Variants in PLPP1 observed in about 807,000 individuals in gnomAD.
The protein encoded by PLPP1 is lipid phosphate phosphohydrolase 1a.
In PLPP1, 24 loss-of-function variants were observed where a neutral mutation model predicts 31.2. The observed-to-expected ratio is 0.77, with a 90% confidence interval of 0.56 to 1.08. The LOEUF (loss-of-function observed/expected upper bound fraction) is 1.08. Among genes scored for constraint, PLPP1 ranks in the 50% least tolerant of loss-of-function variants. PLPP1 has a pLI of 0.00. For missense variants in PLPP1, 319 were observed against 342.7 expected (o/e 0.93, Z 0.55); for synonymous variants, 146 against 126.3 (o/e 1.16, Z -1.05).
intron 4 of PLPP1, among the ~76,000 whole-genome samples, chr5:55,431,548 T>TAAG (rs61225220): frequency 0.87 from 132,105 of 151,914 alleles, 57,685 homozygotes; most frequent in South Asian, 0.92. Context: ...GGGAATAAAT[T>TAAG]AAAGGAATAA....
intron 5 of PLPP1, 98 bp from the exon 6 acceptor site, chr5:55,425,432 G>T (rs1579910765): frequency 8.7e-7 from 1 of 1,151,060 alleles, no homozygotes; most frequent in Non-Finnish European, 1.2e-6. Flanking sequence ...TAAACAAAAG[G>T]ATATACTTTG....
At chr5:55,464,576 C>T (rs1024469636) in intron 3 of PLPP1, among the ~76,000 whole-genome samples, 1 of 152,088 alleles carries the variant, frequency 6.6e-6, no homozygotes, top group Non-Finnish European at 1.5e-5. Flanking sequence ...TTGGAGACAA[C>T]TCAAATGTCC....
At chr5:55,495,877 CAG>C (rs1236194679) in intron 1 of PLPP1, among the ~76,000 whole-genome samples, 1 of 152,040 alleles carries the variant, frequency 6.6e-6, no homozygotes, top group Admixed American at 6.6e-5. Context: ...TGTTTTGAGA[CAG>C]AGTCTTGCTC....
chr5:55,471,863 A>C (rs559185595), intron 2 of PLPP1, among the ~76,000 whole-genome samples: 9 of 152,352 alleles, frequency 5.9e-5, no homozygotes, highest in Admixed American at 1.3e-4. Flanking sequence ...TTACACCTAT[A>C]ATCCCAGCAC....
At position 55,425,233 on chromosome 5, in the gene PLPP1, A is replaced by C. The variant is rs543936239; in HGVS notation, c.828T>G (p.Asn276Lys). 1.9e-6 allele frequency: 3 copies of C among 1,613,944 alleles called. No homozygotes were observed. The highest frequency in any genetic ancestry group is 3.3e-5 in the Admixed American group (2 of 59,926). Reference protein sequence around the residue: ...TTLHETPTTGNHYPSNHQP With the variant: ...TTLHETPTTGKHYPSNHQP ...AAGGCTGGTGATTGCTCGGATAGTG[A>C]TTCCCAGTTGTTGGTGTTTCATGCA... Residue 276 changes from asparagine to lysine, a missense_variant, in exon 6 of 6, where the codon AAT becomes AAG. Physicochemically the swap from Asn to Lys is moderately conservative, Grantham distance 94 (BLOSUM62 0). Transcript: ENST00000307259.
intron 1 of PLPP1, among the ~76,000 whole-genome samples, chr5:55,510,238 C>T (rs1874470): frequency 0.12 from 17,698 of 152,126 alleles, 1,083 homozygotes; most frequent in Middle Eastern, 0.16. Flanking sequence ...TAATCAAAAA[C>T]GCATTATGCT....
At chr5:55,470,885 G>A (rs541175645) in intron 2 of PLPP1, among the ~76,000 whole-genome samples, 6 of 152,278 alleles carry the variant, frequency 3.9e-5, no homozygotes, top group East Asian at 1.9e-4. Context: ...AATGTTTGGA[G>A]AAGTAAAACA....
intron 1 of PLPP1, among the ~76,000 whole-genome samples, chr5:55,532,120 C>G (rs1228798811): frequency 6.6e-6 from 1 of 152,124 alleles, no homozygotes; most frequent in Non-Finnish European, 1.5e-5. Flanking sequence ...TGAAATTAAC[C>G]TTTATAGGAT....
At chr5:55,502,539 T>C (rs1753170932) in intron 1 of PLPP1, among the ~76,000 whole-genome samples, 1 of 152,104 alleles carries the variant, frequency 6.6e-6, no homozygotes, top group African/African-American at 2.4e-5. Context: ...CAGTAGCTAC[T>C]AGTCACATGA....
Position 55,424,894 on chromosome 5 carries a change from T to C in PLPP1, c.*312A>G. The C allele has an allele frequency of 1.4e-6, 1 of 695,610 alleles. No homozygotes were observed. The highest frequency in any genetic ancestry group is 2.4e-6 in the Non-Finnish European group (1 of 410,500). The allele number at this position is 695,610 out of a possible 1,614,324, so 43.1% of individuals were successfully genotyped here. A position where few individuals can be genotyped will look rare whatever the true frequency, so the allele number is the denominator to read the frequency against. On this transcript the variant is annotated 3_prime_UTR_variant, in exon 6 of 6. Transcript: ENST00000307259. The stretch of plus-strand genomic sequence containing the variant: ...CATTTTAATATGTATTATATTTAAA[T>C]CAAACATCATTCATAGAAAGCATAT...
In PLPP1 at chr5:55,452,305, G is replaced by A. The variant is rs551343837; in HGVS notation, c.492-10397C>T. 5.9e-5 allele frequency among the ~76,000 whole-genome samples: 9 copies of A among 152,230 alleles called. No homozygotes were observed. The South Asian group carries it at 1.7e-3, about 28-fold the overall frequency. ...TTCTCACTCAGTTCACATGAGATCT[G>A]GTTGTTTAAAAGAGTCTGGGACCTT... On this transcript the variant is annotated intron_variant, in intron 3 of 5. Transcript: ENST00000307259.
intron 3 of PLPP1, among the ~76,000 whole-genome samples, chr5:55,458,887 C>CAAAAAAAAAAA (rs529067608): frequency 9.0e-4 from 19 of 21,104 alleles, no homozygotes; most frequent in Admixed American, 1.3e-3. Flanking sequence ...ACCCTGTCTC[C>CAAAAAAAAAAA]AAAAAAAAAA....
chr5:55,442,730 T>C (rs2111711023), intron 3 of PLPP1, among the ~76,000 whole-genome samples: 1 of 152,284 alleles, frequency 6.6e-6, no homozygotes, highest in African/African-American at 2.4e-5. Flanking sequence ...CTTTTGTTTC[T>C]TTCAATATTA....
At chr5:55,427,778 G>A (rs553228412) in intron 4 of PLPP1, among the ~76,000 whole-genome samples, 7 of 150,924 alleles carry the variant, frequency 4.6e-5, no homozygotes, top group East Asian at 2.0e-4. Context: ...ACTTTTTTGG[G>A]GGGGGGGATG....
chr5:55,429,428 C>T (rs1156246884), intron 4 of PLPP1, among the ~76,000 whole-genome samples: 3 of 152,104 alleles, frequency 2.0e-5, no homozygotes, highest in Non-Finnish European at 4.4e-5. Context: ...GGGTACCTGG[C>T]AGGGATTGGT....
chr5:55,500,237 G>A (rs1402289298), intron 1 of PLPP1, among the ~76,000 whole-genome samples: 3 of 151,744 alleles, frequency 2.0e-5, no homozygotes, highest in African/African-American at 2.4e-5. Context: ...CCGCCACCAC[G>A]CCCAGCTAAT....
At chr5:55,450,538 G>C (rs994293043) in intron 3 of PLPP1, among the ~76,000 whole-genome samples, 2 of 152,170 alleles carry the variant, frequency 1.3e-5, no homozygotes, top group South Asian at 4.1e-4. Flanking sequence ...CAAACTCTCA[G>C]CAGGGAAACT....
At chr5:55,509,679 T>G (rs1252314739) in intron 1 of PLPP1, among the ~76,000 whole-genome samples, 1 of 152,198 alleles carries the variant, frequency 6.6e-6, no homozygotes, top group Non-Finnish European at 1.5e-5. Flanking sequence ...TTTAATGAGC[T>G]TTTAAAAAAT....
At chr5:55,504,521 T>A (rs1279627630) in intron 1 of PLPP1, among the ~76,000 whole-genome samples, 1 of 34,284 alleles carries the variant, frequency 2.9e-5, no homozygotes, top group Non-Finnish European at 4.6e-5. Flanking sequence ...CAAGACTCCA[T>A]CTCAAAAAAA....
Sources: gnomAD v4.1 joint callset for allele counts (sites outside exome capture counted in the v4.1 genomes callset) on GRCh38, gnomAD v4.1.1 for gene constraint, MANE v1.5 for transcripts, NCBI Gene and HGNC (gene_info 2026-07-23, HGNC 2026-07-21) for gene names.